SDK1: variants seen among roughly 807,000 people sequenced by gnomAD.
SDK1 encodes the protein sidekick cell adhesion molecule 1.
In SDK1, 157 loss-of-function variants were observed where a neutral mutation model predicts 245.5. The observed-to-expected ratio is 0.64, with a 90% CI of 0.56 to 0.73. The LOEUF is 0.73. SDK1 is among the 30% of genes least tolerant of loss of function. The pLI is 0.00. For missense variants in SDK1, 3,583 were observed against 3,002.3 expected, an observed-to-expected ratio of 1.19 and a Z score of -4.52; for synonymous variants, 1,647 against 1,278.5, an observed-to-expected ratio of 1.29 and a Z score of -6.15.
At chr7:4,034,747 A>G (rs1340789132) in intron 17 of SDK1, among the ~76,000 whole-genome samples, 1 of 152,224 alleles carries the variant, frequency 6.6e-6, no homozygotes, top group African/African-American at 2.4e-5. Flanking sequence ...ACCACTTGTT[A>G]TAGCAAAAGA....
chr7:3,524,520 G>A (rs967271536), intron 1 of SDK1, among the ~76,000 whole-genome samples: 4 of 152,190 alleles, frequency 2.6e-5, no homozygotes, highest in Admixed American at 2.0e-4. Flanking sequence ...TGACAGATGG[G>A]TTATGGAGTG....
chr7:3,442,213 A>G (rs1156373049), intron 1 of SDK1, among the ~76,000 whole-genome samples: 1 of 152,214 alleles, frequency 6.6e-6, no homozygotes, highest in Non-Finnish European at 1.5e-5. Context: ...AGGGTGCCAT[A>G]TGTACTTAGA....
chr7:3,987,341 C>T lies in SDK1; in HGVS notation c.2131+19C>T, dbSNP rs369929330. ...GAAAACAGTAAGTAGCAAAATGAAA[C>T]TGTCACCATGGACGATAATCAGATT... On this transcript the variant is annotated intron_variant, in intron 14 of 44. Coordinates refer to ENST00000404826, the MANE Select transcript of SDK1 (RefSeq NM_152744.4). 2.4e-5 allele frequency: 38 copies of T among 1,612,198 alleles called. No individual in the cohort carries two copies. The African/African-American group carries it at 4.1e-4, about 18-fold the overall frequency.
intron 1 of SDK1, among the ~76,000 whole-genome samples, chr7:3,381,920 C>T (rs1781497640): frequency 6.6e-6 from 1 of 152,002 alleles, no homozygotes; most frequent in African/African-American, 2.4e-5. Flanking sequence ...TTGAATGATA[C>T]CTACTAGTAC....
chr7:3,423,348 C>T (rs544864846), intron 1 of SDK1, among the ~76,000 whole-genome samples: 9 of 152,146 alleles, frequency 5.9e-5, no homozygotes, highest in Non-Finnish European at 1.2e-4. Context: ...TTGTATGATT[C>T]CTGTCAAAAG....
At chr7:3,914,269 C>T (rs959085605) in intron 5 of SDK1, among the ~76,000 whole-genome samples, 6 of 152,174 alleles carry the variant, frequency 3.9e-5, no homozygotes, top group South Asian at 2.1e-4. Flanking sequence ...GCTCATCCTA[C>T]GTTATTGTGT....
chr7:3,539,955 C>T (rs1779007029), intron 1 of SDK1, among the ~76,000 whole-genome samples: 1 of 152,160 alleles, frequency 6.6e-6, no homozygotes, highest in African/African-American at 2.4e-5. Flanking sequence ...TAATGACATA[C>T]CTCCTAATTT....
intron 43 of SDK1, among the ~76,000 whole-genome samples, chr7:4,243,806 C>T (rs940494924): frequency 6.6e-6 from 1 of 152,156 alleles, no homozygotes; most frequent in African/African-American, 2.4e-5. Flanking sequence ...GGAAAGGATT[C>T]TCTGCTGAGA....
chr7:4,085,883 G>A (rs886690048), intron 22 of SDK1, among the ~76,000 whole-genome samples: 2 of 152,120 alleles, frequency 1.3e-5, no homozygotes, highest in African/African-American at 4.8e-5. Flanking sequence ...ATTGGTGGAG[G>A]ATTTTAAACT....
At chr7:3,358,877 T>G (rs967396042) in intron 1 of SDK1, among the ~76,000 whole-genome samples, 10 of 152,214 alleles carry the variant, frequency 6.6e-5, no homozygotes, top group Non-Finnish European at 1.3e-4. Flanking sequence ...CAAATAGTGT[T>G]AAATGATTGT....
chr7:4,092,038 C>T (rs1781839794), intron 22 of SDK1, among the ~76,000 whole-genome samples: 1 of 152,148 alleles, frequency 6.6e-6, no homozygotes, highest in South Asian at 2.1e-4. Flanking sequence ...GCAGCACAGG[C>T]TTTGGGATCA....
intron 1 of SDK1, among the ~76,000 whole-genome samples, chr7:3,409,964 T>C (rs1435205462): frequency 3.9e-5 from 6 of 152,196 alleles, no homozygotes; most frequent in East Asian, 1.9e-4. Context: ...GCATACTAGC[T>C]ACAGTGATAA....
chr7:3,876,744 T>C (rs573448577), intron 5 of SDK1, among the ~76,000 whole-genome samples: 3 of 152,334 alleles, frequency 2.0e-5, no homozygotes, highest in Non-Finnish European at 4.4e-5. Context: ...AGTGGCACTT[T>C]TAATCAAGAT....
chr7:3,536,533 A>T (rs933813362), intron 1 of SDK1, among the ~76,000 whole-genome samples: 1 of 151,770 alleles, frequency 6.6e-6, no homozygotes, highest in Non-Finnish European at 1.5e-5. Context: ...AAACAAAAAA[A>T]CCCCACAAAA....
chr7:3,497,238 T>C (rs1414265537), intron 1 of SDK1, among the ~76,000 whole-genome samples: 1 of 152,204 alleles, frequency 6.6e-6, no homozygotes, highest in Non-Finnish European at 1.5e-5. Flanking sequence ...ATTTTTTAAA[T>C]TGGTTTGCCC....
chr7:3,887,624 A>AC (rs1251421769), intron 5 of SDK1, among the ~76,000 whole-genome samples: 1 of 152,216 alleles, frequency 6.6e-6, no homozygotes, highest in Non-Finnish European at 1.5e-5. Flanking sequence ...ATTTAACAAA[A>AC]CAAAAAAAGC....
At chr7:3,666,309 T>G (rs1300267965) in intron 4 of SDK1, among the ~76,000 whole-genome samples, 1 of 152,230 alleles carries the variant, frequency 6.6e-6, no homozygotes, top group Non-Finnish European at 1.5e-5. Flanking sequence ...ACGCTCAGCC[T>G]TGTACACTGT....
At chr7:3,543,462 TGAGTGGGAGAGAC>T (rs1779112885) in intron 1 of SDK1, among the ~76,000 whole-genome samples, 1 of 152,162 alleles carries the variant, frequency 6.6e-6, no homozygotes, top group African/African-American at 2.4e-5. Context: ...GGGTGCCAGG[TGAGTGGGAGAGAC>T]TGCCTTCCTC....
At chr7:4,009,159 C>T (rs1267894397) in intron 14 of SDK1, among the ~76,000 whole-genome samples, 1 of 152,200 alleles carries the variant, frequency 6.6e-6, no homozygotes. Flanking sequence ...ACTGTTTTCA[C>T]GGAAGTTCAA....
Sources: allele counts gnomAD v4.1 joint callset (sites outside exome capture counted in the v4.1 genomes callset), GRCh38; gene constraint gnomAD v4.1.1; transcripts MANE v1.5; gene names NCBI Gene and HGNC (gene_info 2026-07-23, HGNC 2026-07-21).